FMN2: variants seen among roughly 807,000 people sequenced by gnomAD.
The protein encoded by FMN2 is formin 2, also known as formin-2.
A neutral mutation model predicts 142.3 loss-of-function variants in FMN2; 51 were observed. The ratio of observed to expected loss-of-function variants is 0.36; its 90% CI spans 0.29 to 0.45. The LOEUF (loss-of-function observed/expected upper bound fraction) is 0.45, where lower values mean the gene tolerates loss of function less well. FMN2 is among the 20% of genes least tolerant of loss of function. The probability of loss-of-function intolerance (pLI) is 1.00; values close to 1 mark genes in which losing one functional copy is unlikely to be tolerated. For synonymous variants in FMN2, 882 were observed against 869.8 expected, an observed-to-expected ratio of 1.01 and a Z score of -0.25; for missense variants, 1,936 against 2,122.8, an observed-to-expected ratio of 0.91 and a Z score of 1.73.
At chr1:240,469,938 G>A (rs924898931) in intron 16 of FMN2, among the ~76,000 whole-genome samples, 17 of 152,136 alleles carry the variant, frequency 1.1e-4, no homozygotes, top group Admixed American at 3.3e-4. Context: ...TGAGGCCTCC[G>A]ATGCACATTC....
intron 13 of FMN2, among the ~76,000 whole-genome samples, chr1:240,350,549 T>C (rs1048128499): frequency 4.6e-5 from 7 of 152,202 alleles, no homozygotes; most frequent in Non-Finnish European, 1.0e-4. Flanking sequence ...TTAACAGCTT[T>C]TTTATTTTTA....
intron 8 of FMN2, among the ~76,000 whole-genome samples, chr1:240,313,197 G>A (rs1572182526): frequency 6.6e-6 from 1 of 152,178 alleles, no homozygotes; most frequent in Non-Finnish European, 1.5e-5. Flanking sequence ...GTTAGAGCAG[G>A]CCATTAGTTC....
At chr1:240,176,904 A>G (rs1412573889) in intron 2 of FMN2, among the ~76,000 whole-genome samples, 3 of 152,214 alleles carry the variant, frequency 2.0e-5, no homozygotes, top group Non-Finnish European at 2.9e-5. Flanking sequence ...TATACATTGT[A>G]TCTTCCTGTT....
intron 1 of FMN2, among the ~76,000 whole-genome samples, chr1:240,094,533 A>G (rs55746338): frequency 0.28 from 41,874 of 151,938 alleles, 7,631 homozygotes; most frequent in African/African-American, 0.52. Flanking sequence ...CAGCCAGAGT[A>G]TGTTTGCTCT....
chr1:240,190,588 A>G (rs1320794365), intron 4 of FMN2, among the ~76,000 whole-genome samples: 1 of 152,216 alleles, frequency 6.6e-6, no homozygotes, highest in Non-Finnish European at 1.5e-5. Context: ...AAATGATTAT[A>G]TGAGTTAAAA....
intron 14 of FMN2, among the ~76,000 whole-genome samples, chr1:240,361,695 G>A (rs527795612): frequency 1.3e-5 from 2 of 152,296 alleles, no homozygotes; most frequent in South Asian, 2.1e-4. Context: ...ATGTAAACAC[G>A]CAAGTGGGCA....
Position 240,257,963 on chromosome 1 carries a change from A to G in FMN2, c.4084A>G (p.Asn1362Asp). ...CGAGCAGGTTGTCAAGTTATTAAGC[A>G]ACAAAAGATCACAAGCAGTTGGAAT... is the stretch of plus-strand genomic sequence containing the variant. ...KAKQVVKLLS[N>D]KRSQAVGILM... Residue 1362 changes from asparagine (N) to aspartate (D), a missense_variant, in exon 7 of 18, where the codon AAC (asparagine) becomes GAC (aspartate). Physicochemically the swap from Asn to Asp is conservative, Grantham distance 23 (BLOSUM62 1). Around this residue, in one of 8 missense-constraint regions of FMN2, gnomAD observed 259 missense variants for 230.9 expected, o/e 1.12. Transcript: ENST00000319653. 13 of 1,613,096 alleles carry G rather than the reference A, an allele frequency of 8.1e-6. No homozygotes were observed. The highest frequency in any genetic ancestry group is 1.1e-5 in the Non-Finnish European group (13 of 1,179,704).
At chr1:240,471,136 C>T (rs1468203696) in intron 16 of FMN2, among the ~76,000 whole-genome samples, 1 of 152,128 alleles carries the variant, frequency 6.6e-6, no homozygotes, top group African/African-American at 2.4e-5. Flanking sequence ...CTGGTCAGTT[C>T]AATGTTGTTT....
chr1:240,227,021 T>G (rs974207944), intron 6 of FMN2, among the ~76,000 whole-genome samples: 5 of 152,144 alleles, frequency 3.3e-5, no homozygotes, highest in African/African-American at 1.2e-4. Flanking sequence ...GGGAAAGAAA[T>G]AAATGGTCTC....
intron 1 of FMN2, 50 bp from the exon 2 acceptor site, chr1:240,123,129 A>G (rs1371065623): frequency 6.2e-7 from 1 of 1,604,170 alleles, no homozygotes. Flanking sequence ...GCGAGTTCAG[A>G]GCCAGGTGAT....
intron 7 of FMN2, among the ~76,000 whole-genome samples, chr1:240,280,148 C>T (rs1669349475): frequency 6.6e-6 from 1 of 152,018 alleles, no homozygotes; most frequent in South Asian, 2.1e-4. Context: ...GACCAAACTT[C>T]TTAGTTCTTC....
rs527257978 is a variant in FMN2, at chr1:240,348,207, T to C, written c.4766-7609T>C. 1.6e-3 allele frequency among the ~76,000 whole-genome samples: 128 copies of C among 82,524 alleles called. 2 individuals are homozygous for C. The East Asian group carries it at 0.029, about 19-fold the overall frequency. 54.1% of individuals were successfully genotyped at this position (82,524 alleles called of 152,430 possible). A position where few individuals can be genotyped will look rare whatever the true frequency, so the allele number is the denominator to read the frequency against. On this transcript the variant is annotated intron_variant, in intron 13 of 17. Transcript: ENST00000319653. ...CATTTCCTCTACAGCCTTGCCAGTA[T>C]ATGTTGTTTTTTTTACTTTTTTTTT...
intron 14 of FMN2, among the ~76,000 whole-genome samples, chr1:240,376,694 T>C (rs1329957535): frequency 6.6e-6 from 1 of 152,158 alleles, no homozygotes; most frequent in East Asian, 1.9e-4. Context: ...ATGCAAATAC[T>C]GCATCATTTT....
chr1:240,177,027 T>G (rs1381334542), intron 2 of FMN2, among the ~76,000 whole-genome samples: 2 of 152,242 alleles, frequency 1.3e-5, no homozygotes. Context: ...AGTGGTTTTT[T>G]GTTTTTCACT....
intron 7 of FMN2, among the ~76,000 whole-genome samples, chr1:240,282,863 A>C (rs1481045092): frequency 1.3e-5 from 2 of 152,218 alleles, no homozygotes; most frequent in Non-Finnish European, 2.9e-5. Flanking sequence ...ATCCAACACA[A>C]ATTTAAAAGT....
chr1:240,128,842 G>T (rs1662617660), intron 2 of FMN2, among the ~76,000 whole-genome samples: 1 of 152,020 alleles, frequency 6.6e-6, no homozygotes, highest in Non-Finnish European at 1.5e-5. Flanking sequence ...GACTTAAGTG[G>T]ACAAACAGAA....
intron 4 of FMN2, among the ~76,000 whole-genome samples, chr1:240,194,702 C>T (rs553600501): frequency 6.6e-6 from 1 of 152,294 alleles, no homozygotes; most frequent in African/African-American, 2.4e-5. Context: ...TTTTCTTAGG[C>T]AGTAATTTAA....
chr1:240,430,647 AT>A (rs372331350), intron 15 of FMN2, among the ~76,000 whole-genome samples: 88 of 136,400 alleles, frequency 6.5e-4, no homozygotes, highest in Middle Eastern at 4.1e-3. Flanking sequence ...CTAAATACTT[AT>A]TTTTTTTTAT....
chr1:240,386,488 C>G (rs369877023), intron 14 of FMN2, among the ~76,000 whole-genome samples: 1 of 152,142 alleles, frequency 6.6e-6, no homozygotes, highest in Non-Finnish European at 1.5e-5. Flanking sequence ...GTGGTATTCC[C>G]TCATGAAAGC....
Sources: allele counts gnomAD v4.1 joint callset (sites outside exome capture counted in the v4.1 genomes callset), GRCh38; gene constraint gnomAD v4.1.1; regional missense constraint gnomAD v4.1.1; transcripts MANE v1.5; gene names NCBI Gene and HGNC (gene_info 2026-07-23, HGNC 2026-07-21).